Variants in ELOVL6 observed in about 807,000 individuals in gnomAD.
ELOVL6 encodes very long chain fatty acid elongase 6.
In ELOVL6, 8 loss-of-function variants were observed where a neutral mutation model predicts 31.7. The ratio of observed to expected loss-of-function variants is 0.25; its 90% CI spans 0.15 to 0.45. The LOEUF (loss-of-function observed/expected upper bound fraction) is 0.45. ELOVL6 is among the 20% of genes least tolerant of loss of function. The pLI is 1.00. For missense variants in ELOVL6, 126 were observed against 326.4 expected (o/e 0.39, Z 4.73); for synonymous variants, 101 against 117.7 (o/e 0.86, Z 0.92).
chr4:110,172,162 G>A (rs969006950), intron 1 of ELOVL6, among the ~76,000 whole-genome samples: 4 of 152,054 alleles, frequency 2.6e-5, no homozygotes, highest in African/African-American at 9.7e-5. Context: ...GGTAGTCTTG[G>A]GGATTGGGAC....
chr4:110,082,926 A>T (rs909629224), intron 2 of ELOVL6, among the ~76,000 whole-genome samples: 33 of 148,708 alleles, frequency 2.2e-4, no homozygotes, highest in African/African-American at 8.1e-4. Context: ...AAATTAAGAC[A>T]TTATTACTTG....
intron 1 of ELOVL6, among the ~76,000 whole-genome samples, chr4:110,168,838 C>G (rs1271711615): frequency 6.6e-6 from 1 of 152,206 alleles, no homozygotes. Context: ...TGCCCAATCA[C>G]AAAGCCTACT....
intron 1 of ELOVL6, among the ~76,000 whole-genome samples, chr4:110,126,792 G>A (rs1757510275): frequency 6.6e-6 from 1 of 152,084 alleles, no homozygotes; most frequent in Non-Finnish European, 1.5e-5. Flanking sequence ...TTTTAAATTT[G>A]AGCTTGATCC....
At chr4:110,154,685 G>A (rs972470273) in intron 1 of ELOVL6, among the ~76,000 whole-genome samples, 1 of 152,146 alleles carries the variant, frequency 6.6e-6, no homozygotes, top group Admixed American at 6.6e-5. Flanking sequence ...GACCCAAACC[G>A]AATTTCTTAC....
chr4:110,134,127 G>A (rs1311859207), intron 1 of ELOVL6, among the ~76,000 whole-genome samples: 1 of 152,204 alleles, frequency 6.6e-6, no homozygotes, highest in African/African-American at 2.4e-5. Flanking sequence ...ATGTTATAGT[G>A]TTGTGTACAA....
In ELOVL6 at chr4:110,198,424, T is replaced by G; in HGVS notation, c.-89A>C. The stretch of plus-strand genomic sequence containing the variant: ...TGATTTCGAGTGTTCTCCTGTCTGC[T>G]TCCCCCACCCACCCCCCTAGGTCTT... On this transcript the variant is annotated 5_prime_UTR_variant, in exon 1 of 4. Coordinates refer to ENST00000302274, the MANE Select transcript of ELOVL6 (RefSeq NM_024090.3). 1.2e-6 allele frequency: 1 copy of G among 802,518 alleles called. No individual in the cohort carries two copies. The highest frequency in any genetic ancestry group is 2.1e-6 in the Non-Finnish European group (1 of 480,124). The allele number at this position is 802,518 out of a possible 1,614,324, so 49.7% of individuals were successfully genotyped here. A position where few individuals can be genotyped will look rare whatever the true frequency, so the allele number is the denominator to read the frequency against.
At position 110,137,760 on chromosome 4, in the gene ELOVL6, C is replaced by T. The variant is rs541740658; in HGVS notation, c.90-32132G>A. Among the ~76,000 whole-genome samples the T allele has an allele frequency of 2.6e-5, 4 of 152,150 alleles. No individual in the cohort carries two copies. The East Asian group carries it at 5.8e-4, about 22-fold the overall frequency. ...TCAACAACACACTCTGAGGCCATAACAAACTTTTAGAAATAACACAATTGG... is the reference window on the plus strand; with the variant it reads ...TCAACAACACACTCTGAGGCCATAATAAACTTTTAGAAATAACACAATTGG... On this transcript the variant is annotated intron_variant, in intron 1 of 3. Coordinates refer to ENST00000302274, the MANE Select transcript of ELOVL6 (RefSeq NM_024090.3).
At chr4:110,061,522 T>C in intron 2 of ELOVL6, among the ~76,000 whole-genome samples, 1 of 149,856 alleles carries the variant, frequency 6.7e-6, no homozygotes, top group Admixed American at 6.7e-5. Context: ...TTTTTTTGTG[T>C]ACTGTCTTTC....
chr4:110,099,173 T>A (rs1756673545), intron 2 of ELOVL6, among the ~76,000 whole-genome samples: 1 of 152,206 alleles, frequency 6.6e-6, no homozygotes, highest in African/African-American at 2.4e-5. Flanking sequence ...CTTCAGATAT[T>A]AAACACTAAA....
At chr4:110,089,201 A>T (rs1756350875) in intron 2 of ELOVL6, among the ~76,000 whole-genome samples, 1 of 152,196 alleles carries the variant, frequency 6.6e-6, no homozygotes, top group African/African-American at 2.4e-5. Context: ...ATGAAATAGA[A>T]GCTCTGTCTT....
upstream of ELOVL6, chr4:110,199,076 G>A (rs1759914051): frequency 6.7e-6 from 1 of 148,306 alleles, no homozygotes; most frequent in Admixed American, 6.7e-5. Context: ...CCACCCGGGA[G>A]CTCTGGCTTA....
At chr4:110,085,850 G>A (rs568337787) in intron 2 of ELOVL6, among the ~76,000 whole-genome samples, 2 of 152,228 alleles carry the variant, frequency 1.3e-5, no homozygotes, top group South Asian at 4.1e-4. Flanking sequence ...GAGTAGCTGG[G>A]ACTACAGGCA....
intron 1 of ELOVL6, among the ~76,000 whole-genome samples, chr4:110,178,754 T>C (rs1352211546): frequency 6.6e-6 from 1 of 152,052 alleles, no homozygotes; most frequent in Admixed American, 6.6e-5. Flanking sequence ...CTTGGGAGCC[T>C]GAGGCTGGAG....
intron 1 of ELOVL6, among the ~76,000 whole-genome samples, chr4:110,127,419 A>AAAAAAAAG (rs1757536387): frequency 6.7e-6 from 1 of 150,104 alleles, no homozygotes; most frequent in African/African-American, 2.4e-5. Flanking sequence ...AAAAAAAAAA[A>AAAAAAAAG]AAAAAAGAAA....
At chr4:110,081,357 A>G (rs1755841414) in intron 2 of ELOVL6, among the ~76,000 whole-genome samples, 1 of 152,242 alleles carries the variant, frequency 6.6e-6, no homozygotes, top group Non-Finnish European at 1.5e-5. Context: ...ACAAGGCTAC[A>G]GAAACCAAAA....
intron 1 of ELOVL6, among the ~76,000 whole-genome samples, chr4:110,141,102 T>C (rs1354720556): frequency 6.6e-6 from 1 of 152,100 alleles, no homozygotes; most frequent in Non-Finnish European, 1.5e-5. Context: ...TCGTTCTTGT[T>C]GCCCAGGCTG....
rs1476564143 is a variant in ELOVL6 at position 110,047,913 on chromosome 4, A to G, written c.*3425T>C. 1.3e-5 allele frequency: 2 copies of G among 150,466 alleles called. No homozygotes were observed. Among genetic ancestry groups the G allele is most frequent in the Non-Finnish European group, 3.0e-5 (2 of 67,758 alleles). 9.3% of individuals were successfully genotyped at this position (150,466 alleles called of 1,614,324 possible). A position where few individuals can be genotyped will look rare whatever the true frequency, so the allele number is the denominator to read the frequency against. On this transcript the variant is annotated 3_prime_UTR_variant, in exon 4 of 4. Coordinates refer to ENST00000302274, the MANE Select transcript of ELOVL6 (RefSeq NM_024090.3). ...CTCAAAAAAAAAAAAAAAAAAAAAA[A>G]GAAAGACATTCTGTGGGTCTCTTTC...
At chr4:110,108,900 G>C (rs757175906) in intron 1 of ELOVL6, among the ~76,000 whole-genome samples, 6 of 152,204 alleles carry the variant, frequency 3.9e-5, no homozygotes, top group Non-Finnish European at 7.3e-5. Flanking sequence ...GCTATAAGTG[G>C]AAGTTGCCTA....
chr4:110,179,465 C>T (rs1487383336), intron 1 of ELOVL6, among the ~76,000 whole-genome samples: 1 of 152,128 alleles, frequency 6.6e-6, no homozygotes, highest in Non-Finnish European at 1.5e-5. Context: ...GAAATTACGC[C>T]ACTGCACTCC....
Sources: allele counts gnomAD v4.1 joint callset (sites outside exome capture counted in the v4.1 genomes callset), GRCh38; gene constraint gnomAD v4.1.1; transcripts MANE v1.5; gene names NCBI Gene and HGNC (gene_info 2026-07-23, HGNC 2026-07-21).